Variants in STAT2 observed in about 807,000 individuals in gnomAD.
STAT2 encodes the protein interferon alpha induced transcriptional activator.
In STAT2, 51 loss-of-function variants were observed where a neutral mutation model predicts 122.3. The observed-to-expected ratio is 0.42, with a 90% confidence interval of 0.33 to 0.53. The LOEUF is 0.53. Among genes scored for constraint, STAT2 ranks in the 20% least tolerant of loss-of-function variants. STAT2 has a pLI of 0.10. For missense variants in STAT2, 736 were observed against 1,010.3 expected (o/e 0.73, Z 3.68); for synonymous variants, 351 against 394.9 (o/e 0.89, Z 1.32).
chr12:56,355,512 G>A lies in STAT2; in HGVS notation c.402C>T (p.Leu134=), dbSNP rs148272090. 2.3e-4 allele frequency: 370 copies of A among 1,613,952 alleles called. No individual in the cohort carries two copies. Among genetic ancestry groups the A allele is most frequent in the Admixed American group, 6.3e-4 (38 of 59,988 alleles). Residue 134 remains leucine (L), a synonymous_variant, in exon 5 of 24, where the codon CTC becomes CTT. Coordinates refer to ENST00000314128, the MANE Select transcript of STAT2 (RefSeq NM_005419.4). ...RAQLEQGEPV[L]ETPVESQQHE... is the part of the protein sequence containing the mutation. ...GTTGCTGGCTCTCCACAGGTGTTTC[G>A]AGAACTGGCTCTCCTTGTTCCTGAA...
intron 11 of STAT2, 39 bp from the exon 12 acceptor site, chr12:56,350,471 G>C (rs777757727): frequency 6.4e-7 from 1 of 1,567,604 alleles, no homozygotes; most frequent in African/African-American, 1.4e-5. Flanking sequence ...TTGGGCAAAA[G>C]AGTATGGAAG....
At position 56,342,697 on chromosome 12, in the gene STAT2, C is replaced by T. The variant is rs1876761844; in HGVS notation, c.*692G>A. ...AGGTAGCATAAACTAGTGTGCAAAG[C>T]TTCACACTCACATTAGATTGGCAGG... On this transcript the variant is annotated 3_prime_UTR_variant, in exon 24 of 24. Transcript: ENST00000314128. 6.6e-6 allele frequency: 1 copy of T among 152,164 alleles called. No individual in the cohort carries two copies. Among genetic ancestry groups the T allele is most frequent in the Non-Finnish European group, 1.5e-5 (1 of 68,066 alleles). 9.4% of individuals were successfully genotyped at this position (152,164 alleles called of 1,614,324 possible).
chr12:56,342,014 C>G lies in STAT2; in HGVS notation c.*1375G>C, dbSNP rs560867810. 8 of 152,246 alleles carry G rather than the reference C, an allele frequency of 5.3e-5. No individual in the cohort carries two copies. The highest frequency in any genetic ancestry group is 1.7e-4 in the African/African-American group (7 of 41,528). The allele number at this position is 152,246 out of a possible 1,614,324, so 9.4% of individuals were successfully genotyped here. On this transcript the variant is annotated 3_prime_UTR_variant, in exon 24 of 24. Coordinates refer to ENST00000314128, the MANE Select transcript of STAT2 (RefSeq NM_005419.4). ...ATCCAATACTATAAAAAAGAAATTC[C>G]TGCTGGGAACAGTGGCTCACGCCTG... is the stretch of plus-strand genomic sequence containing the variant.
intron 1 of STAT2, among the ~76,000 whole-genome samples, chr12:56,358,037 T>G (rs1879788585): frequency 6.6e-6 from 1 of 151,844 alleles, no homozygotes; most frequent in Admixed American, 6.6e-5. Context: ...TAGAGTAGAG[T>G]GAATAGTACA....
chr12:56,350,686 C>T, intron 11 of STAT2, 143 bp downstream of exon 11: 1 of 981,954 alleles, frequency 1.0e-6, no homozygotes, highest in Non-Finnish European at 1.6e-6. Context: ...AGTAAGTGTT[C>T]AACAAAAGAA....
chr12:56,348,600 T>TA lies in STAT2; in HGVS notation c.1652dup (p.Leu551PhefsTer16). 1 of 1,613,976 alleles carries TA rather than the reference T, an allele frequency of 6.2e-7. No individual in the cohort carries two copies. Among genetic ancestry groups the TA allele is most frequent in the Non-Finnish European group, 8.5e-7 (1 of 1,180,008 alleles). On this transcript the variant is annotated frameshift_variant, in exon 19 of 24. Transcript: ENST00000314128. LOFTEE classifies it high-confidence loss of function. The stretch of plus-strand genomic sequence containing the variant: ...TTTTGTCCAGCCATGTCCAGAATGG[T>TA]AACTTGCCAGGAGGGCTCTCTCGCT...
chr12:56,343,542 C>T lies in STAT2; in HGVS notation c.2414-11G>A. 6.2e-7 allele frequency: 1 copy of T among 1,611,672 alleles called. No individual in the cohort carries two copies. The highest frequency in any genetic ancestry group is 1.3e-5 in the African/African-American group (1 of 74,924). On this transcript the variant is annotated splice_polypyrimidine_tract_variant and intron_variant, in intron 23 of 23. Transcript: ENST00000314128. ...CACAGTTTCTGAAGACTAGGTAATC[C>T]AGAGAGAAAAGTGAGGCCCCGATCT... is the stretch of plus-strand genomic sequence containing the variant.
At chr12:56,355,578 C>A in intron 4 of STAT2, 46 bp from the exon 5 acceptor site, 3 of 1,610,504 alleles carry the variant, frequency 1.9e-6, no homozygotes, top group Non-Finnish European at 2.5e-6. Flanking sequence ...GCCTTTCATG[C>A]CTTAAGTTCA....
chr12:56,350,249 G>T (rs879012569), intron 12 of STAT2, 59 bp from the exon 13 acceptor site: 1 of 1,203,902 alleles, frequency 8.3e-7, no homozygotes. Context: ...AAACTCAGCA[G>T]AAAAAAAAAA....
At chr12:56,356,387 G>A (rs1269069063) in intron 2 of STAT2, 54 bp downstream of exon 2, 15 of 1,608,614 alleles carry the variant, frequency 9.3e-6, no homozygotes, top group African/African-American at 5.4e-5. Flanking sequence ...GATCCCGGGG[G>A]CCCAGAAGTA....
chr12:56,350,699 G>T, intron 11 of STAT2, 130 bp downstream of exon 11: 2 of 1,053,624 alleles, frequency 1.9e-6, no homozygotes, highest in Non-Finnish European at 2.9e-6. Flanking sequence ...CAAAAGAAAT[G>T]AATTATAATT....
chr12:56,360,088 A>G lies in STAT2; in HGVS notation c.-38T>C, dbSNP rs929323274. ...TAGGGTTGCAGTCCCCGCGCCCTCC[A>G]ATGGCTCTGGTCGCGACTTCCCGTC... On this transcript the variant is annotated 5_prime_UTR_variant, in exon 1 of 24. Coordinates refer to ENST00000314128, the MANE Select transcript of STAT2 (RefSeq NM_005419.4). 13 of 984,524 alleles carry G rather than the reference A, an allele frequency of 1.3e-5. No homozygotes were observed. The highest frequency in any genetic ancestry group is 1.6e-5 in the Non-Finnish European group (13 of 829,814). 61.0% of individuals were successfully genotyped at this position (984,524 alleles called of 1,614,324 possible). A position where few individuals can be genotyped will look rare whatever the true frequency, so the allele number is the denominator to read the frequency against.
At position 56,345,246 on chromosome 12, in the gene STAT2, T is replaced by C. The variant is rs570644585; in HGVS notation, c.2102+900A>G. 2.7e-5 allele frequency among the ~76,000 whole-genome samples: 4 copies of C among 146,156 alleles called. No homozygotes were observed. The East Asian group carries it at 6.1e-4, about 22-fold the overall frequency. On this transcript the variant is annotated intron_variant, in intron 22 of 23. Coordinates refer to ENST00000314128, the MANE Select transcript of STAT2 (RefSeq NM_005419.4). ...TGGCTCATTCCTACAATCCCGGCAA[T>C]TTGGGAGGCCAAGGCAGGAGACTGC...
In STAT2 at chr12:56,354,503, C is replaced by A; in HGVS notation, c.745G>T (p.Ala249Ser). The change falls in exon 8 of 24, where the codon GCT becomes TCT. Residue 249 changes from alanine to serine, a missense_variant. Coordinates refer to ENST00000314128, the MANE Select transcript of STAT2 (RefSeq NM_005419.4). ...KAQQQKACIR[A>S]PIDHGLEQLE... is the part of the protein sequence containing the mutation. ...TGTTCCAACCCGTGGTCAATGGGAG[C>A]TCTGATGCAGGCTTTTTGCTGCTGG... The A allele has an allele frequency of 6.2e-7, 1 of 1,614,200 alleles. No homozygotes were observed. The highest frequency in any genetic ancestry group is 8.5e-7 in the Non-Finnish European group (1 of 1,180,028).
chr12:56,356,079 C>A, intron 3 of STAT2, 53 bp downstream of exon 3: 2 of 1,592,288 alleles, frequency 1.3e-6, no homozygotes, highest in Admixed American at 1.7e-5. Context: ...AAACCTTACT[C>A]CTCTATGCTC....
intron 1 of STAT2, among the ~76,000 whole-genome samples, chr12:56,358,481 G>T (rs778181922): frequency 6.6e-6 from 1 of 152,070 alleles, no homozygotes; most frequent in Non-Finnish European, 1.5e-5. Context: ...TCTGACCTCA[G>T]GTGATCTGCC....
intron 1 of STAT2, among the ~76,000 whole-genome samples, chr12:56,358,429 A>C (rs2136099994): frequency 6.6e-6 from 1 of 152,034 alleles, no homozygotes; most frequent in Middle Eastern, 3.4e-3. Flanking sequence ...TATTTTTAGT[A>C]GAGATGGGGT....
At position 56,343,999 on chromosome 12, in the gene STAT2, G is replaced by C; in HGVS notation, c.2239C>G (p.Leu747Val). The C allele has an allele frequency of 1.2e-6, 2 of 1,614,144 alleles. No homozygotes were observed. The highest frequency in any genetic ancestry group is 2.2e-5 in the South Asian group (2 of 91,072). The stretch of plus-strand genomic sequence containing the variant: ...AGCACAGACTCTAGCTCTGGCCCCA[G>C]ATCCAGCCCTGCCTTCAGCAGTGGC... The part of the protein sequence containing the change: ...LEPLLKAGLD[L>V]GPELESVLES... Residue 747 changes from leucine (L) to valine (V), a missense_variant, in exon 23 of 24, where the codon CTG becomes GTG. Physicochemically the swap from Leu to Val is conservative, Grantham distance 32 (BLOSUM62 1). Transcript: ENST00000314128.
intron 8 of STAT2, among the ~76,000 whole-genome samples, chr12:56,352,602 C>T (rs1012371395): frequency 7.1e-6 from 1 of 140,192 alleles, no homozygotes; most frequent in Non-Finnish European, 1.5e-5. Flanking sequence ...ATCAATCAAT[C>T]AATCAATCAA....
Sources: gnomAD v4.1 joint callset for allele counts (sites outside exome capture counted in the v4.1 genomes callset) on GRCh38, gnomAD v4.1.1 for gene constraint, MANE v1.5 for transcripts, NCBI Gene and HGNC (gene_info 2026-07-23, HGNC 2026-07-21) for gene names.